The following OPA3 variants were observed in gnomAD, a reference collection of about 807,000 sequenced individuals.
OPA3 encodes optic atrophy 3 protein.
Under a neutral mutation model 4.0 loss-of-function variants are expected in OPA3, and 6 were observed. The observed-to-expected ratio is 1.51, with a 90% CI of 0.83 to 2.99. OPA3 has a LOEUF of 2.99. OPA3 is among the 30% of genes most tolerant of loss of function. The pLI is 0.00. For synonymous variants in OPA3, 105 were observed against 117.1 expected (o/e 0.90, Z 0.67); for missense variants, 235 against 256.2 (o/e 0.92, Z 0.56).
chr19:45,559,397 C>CTTTTTTTTTTT (rs71338781), intron 1 of OPA3, among the ~76,000 whole-genome samples: 48 of 59,900 alleles, frequency 8.0e-4, no homozygotes, highest in Non-Finnish European at 1.2e-3. Context: ...CTTTTTCTTT[C>CTTTTTTTTTTT]TTTTTTTTTT....
chr19:45,570,090 C>T (rs1969639305), intron 1 of OPA3, among the ~76,000 whole-genome samples: 1 of 152,182 alleles, frequency 6.6e-6, no homozygotes, highest in Admixed American at 6.5e-5. Context: ...CACGGGCGCC[C>T]TCTCCTGTCC....
rs1351698814 is a variant in OPA3 at position 45,548,636 on chromosome 19, G to A, written c.*4878C>T. 1 of 980,240 alleles carries A rather than the reference G, an allele frequency of 1.0e-6. No homozygotes were observed. Among genetic ancestry groups the A allele is most frequent in the Non-Finnish European group, 1.2e-6 (1 of 828,978 alleles). The allele number at this position is 980,240 out of a possible 1,614,324, so 60.7% of individuals were successfully genotyped here. ...GGTGGGGCAGAGAGTGGGTAACTCA[G>A]TGAGTTTTGTGTTTTATTTTTTTTA... On this transcript the variant is annotated 3_prime_UTR_variant, in exon 2 of 2. Coordinates refer to ENST00000263275, the MANE Select transcript of OPA3 (RefSeq NM_025136.4).
intron 1 of OPA3, among the ~76,000 whole-genome samples, chr19:45,582,115 T>C (rs1969864150): frequency 6.6e-6 from 1 of 151,754 alleles, no homozygotes; most frequent in Non-Finnish European, 1.5e-5. Flanking sequence ...TTACCATTAC[T>C]CAAATCAGTC....
chr19:45,561,390 G>A (rs1014805145), intron 1 of OPA3, among the ~76,000 whole-genome samples: 2 of 152,082 alleles, frequency 1.3e-5, no homozygotes, highest in African/African-American at 2.4e-5. Flanking sequence ...TTGGGAACAC[G>A]CCTGCATACG....
chr19:45,561,149 C>CA (rs1969496271), intron 1 of OPA3, among the ~76,000 whole-genome samples: 1 of 151,992 alleles, frequency 6.6e-6, no homozygotes, highest in Non-Finnish European at 1.5e-5. Context: ...GCCTGACCAA[C>CA]ATGGAGAAAC....
In OPA3 at chr19:45,553,876, T is replaced by G. The variant is rs757323736; in HGVS notation, c.178A>C (p.Ile60Leu). ...HWVEMRTKMR[I>L]MGFRGTVIKP... ...ATGACCGTGCCCCGGAAGCCCATGATGCGCATCTTGGTCCGCATCTCCACC... is the reference window on the plus strand; with the variant it reads ...ATGACCGTGCCCCGGAAGCCCATGAGGCGCATCTTGGTCCGCATCTCCACC... Residue 60 changes from isoleucine (I) to leucine (L), a missense_variant, in exon 2 of 2, where the codon ATC (isoleucine) becomes CTC (leucine). Coordinates refer to ENST00000263275, the MANE Select transcript of OPA3 (RefSeq NM_025136.4). 4 of 1,610,490 alleles carry G rather than the reference T, an allele frequency of 2.5e-6. No individual in the cohort carries two copies. In the East Asian group the frequency reaches 6.7e-5, roughly 27 times the overall value.
At position 45,564,902 on chromosome 19, in the gene OPA3, A is replaced by G. The variant is rs181571525; in HGVS notation, c.143-10991T>C. On this transcript the variant is annotated intron_variant, in intron 1 of 1. Transcript: ENST00000263275. ...AACAAAAATGTATCTATAAATTAAA[A>G]TCAAAAATTTCATTCTTTGTGATTT... 9.9e-4 allele frequency among the ~76,000 whole-genome samples: 151 copies of G among 152,310 alleles called. 2 individuals are homozygous for G. In the South Asian group the frequency reaches 0.018, roughly 18 times the overall value.
chr19:45,566,681 G>A (rs531071104), intron 1 of OPA3, among the ~76,000 whole-genome samples: 179 of 151,450 alleles, frequency 1.2e-3, no homozygotes, highest in Admixed American at 1.8e-3. Context: ...TCACCATGTT[G>A]GCCAGGCTGG....
chr19:45,571,098 G>A (rs1390872157), intron 1 of OPA3, among the ~76,000 whole-genome samples: 3 of 150,822 alleles, frequency 2.0e-5, no homozygotes, highest in Admixed American at 6.7e-5. Context: ...ATATGTTAGC[G>A]CTATACATGA....
exon 2 of OPA3, chr19:45,529,050 G>T (rs1271629379): frequency 6.3e-7 from 1 of 1,598,986 alleles, no homozygotes; most frequent in Non-Finnish European, 8.5e-7. Flanking sequence ...AGGGCCCCGA[G>T]ACCTCCTATT....
At chr19:45,569,776 A>G (rs10422599) in intron 1 of OPA3, among the ~76,000 whole-genome samples, 20,737 of 152,010 alleles carry the variant, frequency 0.14, 2,043 homozygotes, top group East Asian at 0.31. Context: ...TAAAGGCACA[A>G]TGCCTGGAGC....
At chr19:45,571,479 C>T (rs1160465662) in intron 1 of OPA3, among the ~76,000 whole-genome samples, 1 of 152,114 alleles carries the variant, frequency 6.6e-6, no homozygotes, top group Non-Finnish European at 1.5e-5. Context: ...TGTGTACACA[C>T]GTGCATACAT....
intron 1 of OPA3, among the ~76,000 whole-genome samples, chr19:45,536,487 G>A (rs1969119758): frequency 1.3e-5 from 2 of 150,792 alleles, no homozygotes; most frequent in African/African-American, 2.4e-5. Context: ...GGCAGAGGTT[G>A]CAGTAAGTCA....
At chr19:45,563,120 T>C (rs1300408154) in intron 1 of OPA3, among the ~76,000 whole-genome samples, 1 of 152,180 alleles carries the variant, frequency 6.6e-6, no homozygotes, top group Non-Finnish European at 1.5e-5. Flanking sequence ...GGAAAGGCCT[T>C]GCTGGGCTCC....
At chr19:45,578,909 C>G (rs1011617914) in intron 1 of OPA3, among the ~76,000 whole-genome samples, 2 of 152,208 alleles carry the variant, frequency 1.3e-5, no homozygotes, top group African/African-American at 4.8e-5. Context: ...TCCTGTTCCA[C>G]TCAGAGTAAA....
Position 45,550,367 on chromosome 19 carries a change from C to A in OPA3, c.*3147G>T. ...CCAGGTGGAATGGTCACCCAGTTTA[C>A]ACAATGCTATGATCTCTGGTGTGAT... On this transcript the variant is annotated 3_prime_UTR_variant, in exon 2 of 2. Transcript: ENST00000263275. The A allele has an allele frequency of 1.0e-6, 1 of 976,672 alleles. No homozygotes were observed. Among genetic ancestry groups the A allele is most frequent in the Non-Finnish European group, 1.2e-6 (1 of 828,186 alleles). The allele number at this position is 976,672 out of a possible 1,614,324, so 60.5% of individuals were successfully genotyped here.
chr19:45,566,894 T>C (rs1226117735), intron 1 of OPA3, among the ~76,000 whole-genome samples: 2 of 152,140 alleles, frequency 1.3e-5, no homozygotes, highest in African/African-American at 4.8e-5. Context: ...ATATAAAGGC[T>C]TGTACACAAA....
At chr19:45,572,810 T>C (rs1485526830) in intron 1 of OPA3, among the ~76,000 whole-genome samples, 4 of 143,450 alleles carry the variant, frequency 2.8e-5, no homozygotes, top group Non-Finnish European at 6.0e-5. Context: ...TCATACTATA[T>C]ATATAGATAT....
In OPA3 at chr19:45,548,044, C is replaced by G. The variant is rs1230947681; in HGVS notation, c.*5470G>C. 1.9e-5 allele frequency: 16 copies of G among 840,738 alleles called. No individual in the cohort carries two copies. The highest frequency in any genetic ancestry group is 2.1e-5 in the Non-Finnish European group (15 of 697,906). 52.1% of individuals were successfully genotyped at this position (840,738 alleles called of 1,614,324 possible). On this transcript the variant is annotated 3_prime_UTR_variant, in exon 2 of 2. Transcript: ENST00000263275. ...GTCTCTGGCACTAGAATGTCAGCTC[C>G]AGTGAGGGCCTCTGCTTGCTCCCAA...
Sources: allele counts gnomAD v4.1 joint callset (sites outside exome capture counted in the v4.1 genomes callset), GRCh38; gene constraint gnomAD v4.1.1; transcripts MANE v1.5; gene names NCBI Gene and HGNC (gene_info 2026-07-23, HGNC 2026-07-21).